The following ZBTB2 variants were observed in gnomAD, a reference collection of about 807,000 sequenced individuals.
The protein encoded by ZBTB2 is zinc finger and BTB domain containing 2.
ZBTB2 carries 2 observed loss-of-function variants against 39.5 expected under a neutral mutation model. The observed-to-expected ratio is 0.05, with a 90% CI of 0.02 to 0.16. The LOEUF is 0.16. Among genes scored for constraint, ZBTB2 ranks in the 10% least tolerant of loss-of-function variants. The pLI is 1.00. For missense variants in ZBTB2, 391 were observed against 653.0 expected (o/e 0.60, Z 4.37); for synonymous variants, 251 against 256.6 (o/e 0.98, Z 0.21).
In ZBTB2 at chr6:151,365,692, G is replaced by C; in HGVS notation, c.1374C>G (p.Ser458=). 2 of 1,614,202 alleles carry C rather than the reference G, an allele frequency of 1.2e-6. No individual in the cohort carries two copies. Among genetic ancestry groups the C allele is most frequent in the East Asian group, 4.5e-5 (2 of 44,886 alleles). The change falls in exon 3 of 3, where the codon TCC becomes TCG. Residue 458 remains serine (S), a synonymous_variant. Coordinates refer to ENST00000325144, the MANE Select transcript of ZBTB2 (RefSeq NM_020861.3). The surrounding 1 kb of genome is among the most constrained non-coding windows in gnomAD (Gnocchi z 5.6). ...YKCNLCDKTF[S]TPNEVVKHSC... is the part of the protein sequence containing the mutation. ...AATGTTTAACAACCTCATTGGGAGT[G>C]GAGAATGTTTTGTCACACAAGTTGC...
At position 151,373,865 on chromosome 6, in the gene ZBTB2, A is replaced by C. The variant is rs113751320; in HGVS notation, c.-12-216T>G. Among the ~76,000 whole-genome samples, 14,057 of 112,224 alleles carry C rather than the reference A, an allele frequency of 0.13. 1,733 individuals are homozygous for C. Among genetic ancestry groups the C allele is most frequent in the African/African-American group, 0.39 (8,898 of 22,578 alleles). The allele number at this position is 112,224 out of a possible 152,430, so 73.6% of individuals were successfully genotyped here. On this transcript the variant is annotated intron_variant, in intron 1 of 2. Transcript: ENST00000325144. Reference sequence around the variant, plus strand: ...CTTTAAAAAAAAAAAAAAAAAAAAAAAAAAAAAAAAAACCAGATGATGCCA... The same window carrying C: ...CTTTAAAAAAAAAAAAAAAAAAAAACAAAAAAAAAAAACCAGATGATGCCA...
intron 1 of ZBTB2, among the ~76,000 whole-genome samples, chr6:151,385,183 A>G (rs77312843): frequency 0.016 from 2,367 of 152,338 alleles, 72 homozygotes; most frequent in African/African-American, 0.053. Context: ...TTCTTTCTGT[A>G]TATGTATGTG....
At chr6:151,372,846 T>A (rs1012233438) in intron 2 of ZBTB2, among the ~76,000 whole-genome samples, 15 of 151,718 alleles carry the variant, frequency 9.9e-5, no homozygotes, top group Admixed American at 4.6e-4. Context: ...TGAGGTTGGG[T>A]GGCTGGCTTT....
intron 1 of ZBTB2, among the ~76,000 whole-genome samples, chr6:151,381,102 T>C (rs115805051): frequency 0.05 from 7,542 of 152,246 alleles, 264 homozygotes; most frequent in East Asian, 0.18. Context: ...TTTACCCTCC[T>C]GCCACACCTT....
intron 1 of ZBTB2, among the ~76,000 whole-genome samples, chr6:151,379,647 A>G (rs1240457891): frequency 6.6e-6 from 1 of 150,928 alleles, no homozygotes; most frequent in Non-Finnish European, 1.5e-5. Context: ...GAAAAAAAAA[A>G]AAAAAAAAAA....
intron 1 of ZBTB2, among the ~76,000 whole-genome samples, chr6:151,388,708 T>C (rs923511588): frequency 6.6e-5 from 10 of 152,228 alleles, no homozygotes; most frequent in Admixed American, 1.3e-4. Flanking sequence ...CTTATAAAAG[T>C]GCAGATTTTG....
rs58019601 is a variant in ZBTB2 at position 151,373,154 on chromosome 6, CAAAAAAAAAAAAAAAAAAAAAA to C, written c.173+289_173+310del. Among the ~76,000 whole-genome samples, 29 of 27,856 alleles carry C rather than the reference CAAAAAAAAAAAAAAAAAAAAAA, an allele frequency of 1.0e-3. No individual in the cohort carries two copies. In the South Asian group the frequency reaches 0.056, roughly 54 times the overall value. 18.3% of individuals were successfully genotyped at this position (27,856 alleles called of 152,430 possible). ...TAGGCGACAGAGAGAGACTCCGTCT[CAAAAAAAAAAAAAAAAAAAAAA>C]AAAAAAAAAAAAAAATGGACCTGAT... is the stretch of plus-strand genomic sequence containing the variant. On this transcript the variant is annotated intron_variant, in intron 2 of 2. Coordinates refer to ENST00000325144, the MANE Select transcript of ZBTB2 (RefSeq NM_020861.3).
intron 2 of ZBTB2, among the ~76,000 whole-genome samples, chr6:151,367,890 T>C (rs1390378654): frequency 6.6e-6 from 1 of 152,190 alleles, no homozygotes; most frequent in East Asian, 1.9e-4. Context: ...ATGAAGAGGT[T>C]CCCAAGAACT....
chr6:151,388,477 TG>T (rs1486618720), intron 1 of ZBTB2, among the ~76,000 whole-genome samples: 1 of 152,218 alleles, frequency 6.6e-6, no homozygotes, highest in Non-Finnish European at 1.5e-5. Context: ...GGGCATGCTG[TG>T]GGTACTTGAA....
intron 1 of ZBTB2, among the ~76,000 whole-genome samples, chr6:151,382,878 A>G (rs931632794): frequency 6.6e-6 from 1 of 151,722 alleles, no homozygotes; most frequent in Non-Finnish European, 1.5e-5. Context: ...TTTCTAATGC[A>G]AACAAATTAC....
intron 2 of ZBTB2, among the ~76,000 whole-genome samples, chr6:151,367,558 T>C (rs911056393): frequency 1.3e-5 from 2 of 152,244 alleles, no homozygotes; most frequent in African/African-American, 2.4e-5. Flanking sequence ...ATTCTCATTT[T>C]ACAGGAAAGG....
At chr6:151,388,096 G>T (rs1305046791) in intron 1 of ZBTB2, among the ~76,000 whole-genome samples, 1 of 150,058 alleles carries the variant, frequency 6.7e-6, no homozygotes, top group African/African-American at 2.5e-5. Context: ...AAATAAAAAT[G>T]TTCAGTTCCC....
chr6:151,390,449 C>T (rs1253482767), intron 1 of ZBTB2, among the ~76,000 whole-genome samples: 1 of 150,014 alleles, frequency 6.7e-6, no homozygotes, highest in Non-Finnish European at 1.5e-5. Context: ...CGTGCGCGCG[C>T]GCGCTCGCCC....
chr6:151,379,466 C>A (rs535234269), intron 1 of ZBTB2, among the ~76,000 whole-genome samples: 36 of 151,394 alleles, frequency 2.4e-4, no homozygotes, highest in Non-Finnish European at 4.1e-4. Context: ...CATGGAGAGA[C>A]CCCCATCTCT....
At chr6:151,370,064 C>T (rs1778752858) in intron 2 of ZBTB2, 1 of 971,300 alleles carries the variant, frequency 1.0e-6, no homozygotes, top group Non-Finnish European at 1.2e-6. Flanking sequence ...GGTCTTTTCC[C>T]AGTCCTGTGG....
chr6:151,368,905 G>A (rs896958802), intron 2 of ZBTB2, among the ~76,000 whole-genome samples: 4 of 151,542 alleles, frequency 2.6e-5, no homozygotes, highest in African/African-American at 9.7e-5. Context: ...GATTACAGGT[G>A]CCCGCCACCA....
intron 1 of ZBTB2, among the ~76,000 whole-genome samples, chr6:151,390,937 AG>A (rs1289474065): frequency 2.7e-5 from 4 of 148,572 alleles, no homozygotes; most frequent in Non-Finnish European, 6.0e-5. Context: ...GCCGCCGCCC[AG>A]GGCGCACTTC....
chr6:151,390,273 C>A (rs1779256166), intron 1 of ZBTB2, among the ~76,000 whole-genome samples: 1 of 149,456 alleles, frequency 6.7e-6, no homozygotes, highest in Non-Finnish European at 1.5e-5. Context: ...GCCACCTCGT[C>A]CCACCCGCCC....
chr6:151,388,904 G>C (rs1404983309), intron 1 of ZBTB2, among the ~76,000 whole-genome samples: 1 of 152,052 alleles, frequency 6.6e-6, no homozygotes, highest in African/African-American at 2.4e-5. Flanking sequence ...GTATGCACTG[G>C]GACTGTAGGA....
Sources: gnomAD v4.1 joint callset for allele counts (sites outside exome capture counted in the v4.1 genomes callset) on GRCh38, gnomAD v4.1.1 for gene constraint, Gnocchi (gnomAD v3.1) non-coding constraint, MANE v1.5 for transcripts, NCBI Gene and HGNC (gene_info 2026-07-23, HGNC 2026-07-21) for gene names.